TBX19: variants seen among roughly 807,000 people sequenced by gnomAD.
The protein encoded by TBX19 is T-box transcription factor TBX19.
Under a neutral mutation model 40.9 loss-of-function variants are expected in TBX19, and 33 were observed. That is an observed-to-expected ratio of 0.81 (90% confidence interval 0.61 to 1.08). The LOEUF (loss-of-function observed/expected upper bound fraction) is 1.08, where lower values mean the gene tolerates loss of function less well. Among genes scored for constraint, TBX19 ranks in the 50% least tolerant of loss-of-function variants. The pLI, the probability that TBX19 is intolerant of heterozygous loss-of-function variation, is 0.00. For missense variants in TBX19, 494 were observed against 574.0 expected (o/e 0.86, Z 1.42); for synonymous variants, 220 against 225.0 (o/e 0.98, Z 0.20).
intron 5 of TBX19, among the ~76,000 whole-genome samples, chr1:168,302,969 T>C (rs953486760): frequency 6.6e-6 from 1 of 152,228 alleles, no homozygotes; most frequent in African/African-American, 2.4e-5. Context: ...TTATTTTAAT[T>C]AAGCCTGAAG....
chr1:168,284,499 ACTT>A (rs1373166727), intron 1 of TBX19, among the ~76,000 whole-genome samples: 3 of 151,984 alleles, frequency 2.0e-5, no homozygotes, highest in South Asian at 2.1e-4. Context: ...GTATAGGGAG[ACTT>A]CTTCTCTACA....
rs759095375 is a variant in TBX19 at position 168,281,170 on chromosome 1, T to C, written c.80T>C (p.Leu27Pro). 6.2e-7 allele frequency: 1 copy of C among 1,614,086 alleles called. No individual in the cohort carries two copies. Residue 27 changes from leucine (L) to proline (P), a missense_variant, in exon 1 of 8, where the codon CTT becomes CCT. Leu to Pro is a moderately conservative substitution (Grantham distance 98). Around this residue, in one of 3 missense-constraint regions of TBX19, gnomAD observed 201 missense variants for 235.2 expected, o/e 0.85. Coordinates refer to ENST00000367821, the MANE Select transcript of TBX19 (RefSeq NM_005149.3). ...CTGCTCAATGTGGTGGAGAGTGAGCTTCAGGCAGGGAGGGAAAAAGGCGAC... is the reference window on the plus strand; with the variant it reads ...CTGCTCAATGTGGTGGAGAGTGAGCCTCAGGCAGGGAGGGAAAAAGGCGAC... ...SHLLNVVESE[L>P]QAGREKGDPT...
chr1:168,286,141 C>T (rs1221649291), intron 1 of TBX19, among the ~76,000 whole-genome samples: 3 of 152,184 alleles, frequency 2.0e-5, no homozygotes, highest in African/African-American at 7.2e-5. Context: ...AAATGCAATA[C>T]TAAAGAAAAT....
Position 168,298,823 on chromosome 1 carries a change from CTTTCTTTCTTTCTTTCTT to C in TBX19, c.665+1040_665+1057del, listed in dbSNP as rs1270463721. Among the ~76,000 whole-genome samples the C allele has an allele frequency of 3.1e-3, 48 of 15,536 alleles. 9 individuals are homozygous for C. Among genetic ancestry groups the C allele is most frequent in the African/African-American group, 0.014 (48 of 3,462 alleles). The allele number at this position is 15,536 out of a possible 152,430, so 10.2% of individuals were successfully genotyped here. ...CTCCCCTCCCTCCCTCCCTCCCTTC[CTTTCTTTCTTTCTTTCTT>C]TCTTTCTTTCTTTCTTTCTTTCTTT... On this transcript the variant is annotated intron_variant, in intron 4 of 7. Transcript: ENST00000367821.
At chr1:168,291,816 G>GGTATTTT (rs1648951445) in intron 2 of TBX19, among the ~76,000 whole-genome samples, 1 of 151,962 alleles carries the variant, frequency 6.6e-6, no homozygotes, top group South Asian at 2.1e-4. Flanking sequence ...TTCATAAAAA[G>GGTATTTT]CTGCTTCTAA....
intron 6 of TBX19, among the ~76,000 whole-genome samples, 196 bp downstream of exon 6, chr1:168,305,392 A>T (rs1412412940): frequency 2.3e-5 from 2 of 88,490 alleles, no homozygotes; most frequent in Non-Finnish European, 4.8e-5. Context: ...AGGTATAACA[A>T]TCTTAGTTTT....
rs1649249026 is a variant in TBX19, at chr1:168,300,448, C to A, written c.692C>A (p.Ala231Asp). ...AATCACCTAAGAGACGTACCGGAGG[C>A]TATCTCTGAGAGCCAGCATGTGACC... ...ERNHLRDVPE[A>D]ISESQHVTYS... Residue 231 changes from alanine (A) to aspartate (D), a missense_variant, in exon 5 of 8, where the codon GCT becomes GAT. Transcript: ENST00000367821. The A allele has an allele frequency of 1.9e-6, 3 of 1,614,136 alleles. No homozygotes were observed. Among genetic ancestry groups the A allele is most frequent in the Non-Finnish European group, 2.5e-6 (3 of 1,180,034 alleles).
chr1:168,311,937 T>C (rs916162510), intron 7 of TBX19, among the ~76,000 whole-genome samples: 3 of 152,098 alleles, frequency 2.0e-5, no homozygotes, highest in African/African-American at 7.2e-5. Context: ...CAGGCACCAA[T>C]ATTACTTTAA....
intron 3 of TBX19, among the ~76,000 whole-genome samples, chr1:168,294,151 A>G (rs1048938548): frequency 6.6e-6 from 1 of 152,128 alleles, no homozygotes; most frequent in South Asian, 2.1e-4. Flanking sequence ...CTCATGTTGT[A>G]TATATTATTA....
chr1:168,281,326 A>T (rs751291489), intron 1 of TBX19, 33 bp downstream of exon 1: 1 of 1,602,176 alleles, frequency 6.2e-7, no homozygotes. Flanking sequence ...GTGGGCTGGC[A>T]GGGCTTGGCA....
At chr1:168,288,667 C>T (rs1648862103) in intron 1 of TBX19, among the ~76,000 whole-genome samples, 1 of 152,162 alleles carries the variant, frequency 6.6e-6, no homozygotes, top group Non-Finnish European at 1.5e-5. Flanking sequence ...TGCATCATTA[C>T]TCTGGCAATT....
At chr1:168,291,045 AT>A in intron 1 of TBX19, 114 bp from the exon 2 acceptor site, 1 of 1,390,282 alleles carries the variant, frequency 7.2e-7, no homozygotes. Flanking sequence ...GGCCCTGTTT[AT>A]TTGGCCTCCT....
intron 4 of TBX19, among the ~76,000 whole-genome samples, chr1:168,298,800 C>CTCCTCCCTCCCTCCCTCCCTCCCT: frequency 1.2e-4 from 1 of 8,042 alleles, no homozygotes; most frequent in East Asian, 3.2e-3. Context: ...CTCCTCTCCT[C>CTCCTCCCTCCCTCCCTCCCTCCCT]CCCTCCCTCC....
At position 168,293,288 on chromosome 1, in the gene TBX19, T is replaced by TGTGA; in HGVS notation, c.603+13_603+14insAGTG. On this transcript the variant is annotated intron_variant, in intron 3 of 7. Coordinates refer to ENST00000367821, the MANE Select transcript of TBX19 (RefSeq NM_005149.3). The stretch of plus-strand genomic sequence containing the variant: ...CTATCAGAATGAGGAGGTAAGAGTG[T>TGTGA]GTGTGTGTGTGTGTGTGTGTGTGTG... The TGTGA allele has an allele frequency of 1.5e-6, 2 of 1,293,758 alleles. No individual in the cohort carries two copies. Among genetic ancestry groups the TGTGA allele is most frequent in the Non-Finnish European group, 1.1e-6 (1 of 949,336 alleles). The allele number at this position is 1,293,758 out of a possible 1,614,324, so 80.1% of individuals were successfully genotyped here. A position where few individuals can be genotyped will look rare whatever the true frequency, so the allele number is the denominator to read the frequency against.
rs200852542 is a variant in TBX19 at position 168,285,382 on chromosome 1, T to G, written c.203+4089T>G. On this transcript the variant is annotated intron_variant, in intron 1 of 7. Coordinates refer to ENST00000367821, the MANE Select transcript of TBX19 (RefSeq NM_005149.3). Reference sequence around the variant, plus strand: ...AGGAAAGTGTTTACAAGTTTAACTTTTTGAATTTGCTTTTAACTCTCTGCT... The same window carrying G: ...AGGAAAGTGTTTACAAGTTTAACTTGTTGAATTTGCTTTTAACTCTCTGCT... Among the ~76,000 whole-genome samples, 26 of 152,246 alleles carry G rather than the reference T, an allele frequency of 1.7e-4. 1 individual carries two copies. In the East Asian group the frequency reaches 2.9e-3, roughly 17 times the overall value.
chr1:168,286,392 C>T (rs564124837), intron 1 of TBX19, among the ~76,000 whole-genome samples: 2 of 152,318 alleles, frequency 1.3e-5, no homozygotes, highest in South Asian at 4.1e-4. Flanking sequence ...CCTTAGCAGT[C>T]ACCTCCTCTG....
intron 3 of TBX19, among the ~76,000 whole-genome samples, chr1:168,294,485 C>CAGGCACCTGCTAATT (rs1649051384): frequency 1.3e-5 from 2 of 151,636 alleles, no homozygotes; most frequent in South Asian, 4.2e-4. Flanking sequence ...AGGCACCTGC[C>CAGGCACCTGCTAATT]ACCACGCCTG....
At chr1:168,300,086 T>C (rs911608380) in intron 4 of TBX19, among the ~76,000 whole-genome samples, 11 of 152,198 alleles carry the variant, frequency 7.2e-5, no homozygotes, top group African/African-American at 2.7e-4. Context: ...GCATATCACA[T>C]ATGTAATTGT....
intron 5 of TBX19, among the ~76,000 whole-genome samples, chr1:168,303,896 A>G (rs1649341310): frequency 6.6e-6 from 1 of 152,184 alleles, no homozygotes; most frequent in African/African-American, 2.4e-5. Context: ...AGCAGTGAGG[A>G]TAACCAGAGG....
Sources: gnomAD v4.1 joint callset for allele counts (sites outside exome capture counted in the v4.1 genomes callset) on GRCh38, gnomAD v4.1.1 for gene constraint, gnomAD v4.1.1 regional missense constraint, MANE v1.5 for transcripts, NCBI Gene and HGNC (gene_info 2026-07-23, HGNC 2026-07-21) for gene names.